The following CSMD3 variants were observed in gnomAD, a reference collection of about 807,000 sequenced individuals.
The protein encoded by CSMD3 is CUB and sushi domain-containing protein 3.
A neutral mutation model predicts 435.2 loss-of-function variants in CSMD3; 177 were observed. The observed-to-expected ratio is 0.41, with a 90% CI of 0.36 to 0.46. CSMD3 has a LOEUF of 0.46. Ranked by LOEUF, CSMD3 falls within the 20% of genes least tolerant of loss-of-function variation. The pLI is 0.34. For missense variants in CSMD3, 4,265 were observed against 4,504.6 expected, an observed-to-expected ratio of 0.95 and a Z score of 1.52; for synonymous variants, 1,656 against 1,520.5, an observed-to-expected ratio of 1.09 and a Z score of -2.07.
intron 10 of CSMD3, among the ~76,000 whole-genome samples, chr8:112,905,289 T>C (rs997475009): frequency 7.1e-6 from 1 of 141,504 alleles, no homozygotes; most frequent in South Asian, 2.3e-4. Context: ...CAGATTTTTA[T>C]TAAACATATA....
intron 1 of CSMD3, among the ~76,000 whole-genome samples, chr8:113,339,264 CAT>C (rs1380303954): frequency 6.6e-6 from 1 of 151,864 alleles, no homozygotes; most frequent in African/African-American, 2.4e-5. Context: ...AGCTCCATTA[CAT>C]AATATAAATG....
At position 112,637,125 on chromosome 8, in the gene CSMD3, C is replaced by CTA. The variant is rs1226940940; in HGVS notation, c.3527-122_3527-121dup. On this transcript the variant is annotated intron_variant, in intron 21 of 70. Coordinates refer to ENST00000297405, the MANE Select transcript of CSMD3 (RefSeq NM_198123.2). ...AACCTAGTCATATATTTAGAAGGGA[C>CTA]TATATGAATAGCTATCAGAACGTAC... 15 of 771,760 alleles carry CTA rather than the reference C, an allele frequency of 1.9e-5. No individual in the cohort carries two copies. The East Asian group carries it at 4.0e-4, about 20-fold the overall frequency. The allele number at this position is 771,760 out of a possible 1,614,324, so 47.8% of individuals were successfully genotyped here.
At chr8:112,385,233 A>T (rs1829828596) in intron 36 of CSMD3, among the ~76,000 whole-genome samples, 1 of 152,198 alleles carries the variant, frequency 6.6e-6, no homozygotes, top group African/African-American at 2.4e-5. Context: ...TCATTCAAGG[A>T]AAGTTGTTCA....
intron 2 of CSMD3, among the ~76,000 whole-genome samples, chr8:113,295,939 C>T (rs2132554019): frequency 6.6e-6 from 1 of 152,234 alleles, no homozygotes; most frequent in Middle Eastern, 3.4e-3. Flanking sequence ...AAATGTGGCA[C>T]ATATACACCA....
intron 13 of CSMD3, among the ~76,000 whole-genome samples, chr8:112,768,809 T>A (rs1028028645): frequency 6.6e-6 from 1 of 151,934 alleles, no homozygotes; most frequent in African/African-American, 2.4e-5. Context: ...AACTCCTCTT[T>A]CACCAACCAT....
intron 5 of CSMD3, among the ~76,000 whole-genome samples, chr8:113,075,839 T>C (rs576935551): frequency 6.6e-6 from 1 of 151,912 alleles, no homozygotes; most frequent in South Asian, 2.1e-4. Context: ...AATAATAATA[T>C]ACTTAAAGAA....
rs145492986 is a variant in CSMD3, at chr8:113,287,606, T to C, written c.402-8902A>G. On this transcript the variant is annotated intron_variant, in intron 2 of 70. Coordinates refer to ENST00000297405, the MANE Select transcript of CSMD3 (RefSeq NM_198123.2). ...AAAGAAACGTGTGAGAAAGGCAAAT[T>C]CACCATGTTGGGAACATGTGCTGGG... Among the ~76,000 whole-genome samples the C allele has an allele frequency of 4.6e-5, 7 of 152,068 alleles. No homozygotes were observed. The East Asian group carries it at 1.4e-3, about 29-fold the overall frequency.
intron 9 of CSMD3, among the ~76,000 whole-genome samples, chr8:112,946,862 T>C (rs1487854823): frequency 6.6e-6 from 1 of 151,670 alleles, no homozygotes; most frequent in Non-Finnish European, 1.5e-5. Flanking sequence ...TATAGCAAAA[T>C]GTAACTTTAA....
At chr8:112,887,472 T>C (rs901339974) in intron 10 of CSMD3, among the ~76,000 whole-genome samples, 1 of 151,614 alleles carries the variant, frequency 6.6e-6, no homozygotes, top group African/African-American at 2.4e-5. Flanking sequence ...ATGTAACTAC[T>C]TATATACATT....
chr8:112,515,967 C>T (rs532026421), intron 28 of CSMD3, among the ~76,000 whole-genome samples: 1 of 152,022 alleles, frequency 6.6e-6, no homozygotes, highest in South Asian at 2.1e-4. Flanking sequence ...CAGTTAATGA[C>T]TAATGAATTT....
chr8:112,689,382 G>A (rs193198078), intron 14 of CSMD3, among the ~76,000 whole-genome samples: 1 of 151,710 alleles, frequency 6.6e-6, no homozygotes, highest in East Asian at 1.9e-4. Flanking sequence ...TATCATTAAT[G>A]TTAATGAATT....
intron 32 of CSMD3, among the ~76,000 whole-genome samples, chr8:112,415,554 C>T (rs1811818067): frequency 6.6e-6 from 1 of 152,170 alleles, no homozygotes; most frequent in Non-Finnish European, 1.5e-5. Flanking sequence ...GGGGCACTGC[C>T]TAGTGGAGCT....
rs78544148 is a variant in CSMD3, at chr8:112,457,617, T to C, written c.5395+14974A>G. ...ATCTAAATGTCTAAAATGTAGAGAA[T>C]GCCAGGCCAGAGTAAAGTTGAGGAA... On this transcript the variant is annotated intron_variant, in intron 32 of 70. Coordinates refer to ENST00000297405, the MANE Select transcript of CSMD3 (RefSeq NM_198123.2). Among the ~76,000 whole-genome samples the C allele has an allele frequency of 6.7e-3, 1,014 of 152,134 alleles. 11 individuals carry two copies. Among genetic ancestry groups the C allele is most frequent in the African/African-American group, 0.023 (961 of 41,548 alleles).
chr8:112,424,198 C>T (rs1194343730), intron 32 of CSMD3, among the ~76,000 whole-genome samples: 1 of 152,064 alleles, frequency 6.6e-6, no homozygotes, highest in Non-Finnish European at 1.5e-5. Flanking sequence ...CGATTCAAAG[C>T]CCAGATCGAC....
At chr8:112,464,871 T>C (rs939957551) in intron 32 of CSMD3, among the ~76,000 whole-genome samples, 2 of 152,180 alleles carry the variant, frequency 1.3e-5, no homozygotes, top group African/African-American at 4.8e-5. Flanking sequence ...ATATGAAATA[T>C]AAAATGGTGA....
chr8:112,808,003 C>T (rs970721431), intron 12 of CSMD3, among the ~76,000 whole-genome samples: 2 of 151,848 alleles, frequency 1.3e-5, no homozygotes, highest in African/African-American at 4.8e-5. Context: ...CTTTAAAGAC[C>T]CCAGACTATT....
At chr8:112,521,985 T>A (rs1586588446) in intron 27 of CSMD3, among the ~76,000 whole-genome samples, 1 of 151,662 alleles carries the variant, frequency 6.6e-6, no homozygotes, top group East Asian at 1.9e-4. Flanking sequence ...AGAAATAGAG[T>A]GAACATTAGC....
At chr8:112,637,866 C>T (rs2131585147) in intron 21 of CSMD3, among the ~76,000 whole-genome samples, 1 of 152,096 alleles carries the variant, frequency 6.6e-6, no homozygotes, top group Non-Finnish European at 1.5e-5. Flanking sequence ...AGCATCCAAA[C>T]ATTTCCACCC....
At chr8:112,362,149 G>A (rs1175728856) in intron 38 of CSMD3, among the ~76,000 whole-genome samples, 1 of 151,758 alleles carries the variant, frequency 6.6e-6, no homozygotes, top group Non-Finnish European at 1.5e-5. Flanking sequence ...AAACTGCTTT[G>A]GTAAACATGC....
Sources: allele counts gnomAD v4.1 joint callset (sites outside exome capture counted in the v4.1 genomes callset), GRCh38; gene constraint gnomAD v4.1.1; transcripts MANE v1.5; gene names NCBI Gene and HGNC (gene_info 2026-07-23, HGNC 2026-07-21).